The following KHDRBS3 variants were observed in gnomAD, a reference collection of about 807,000 sequenced individuals.
KHDRBS3 encodes the protein KH domain-containing, RNA-binding, signal transduction-associated protein 3.
A neutral mutation model predicts 45.6 loss-of-function variants in KHDRBS3; 23 were observed. The ratio of observed to expected loss-of-function variants is 0.50; its 90% CI spans 0.36 to 0.72. The LOEUF is 0.72. KHDRBS3 is among the 30% of genes least tolerant of loss of function. The probability of loss-of-function intolerance (pLI) is 0.00; values close to 1 mark genes in which losing one functional copy is unlikely to be tolerated. For missense variants in KHDRBS3, 352 were observed against 424.8 expected, an observed-to-expected ratio of 0.83 and a Z score of 1.51; for synonymous variants, 162 against 156.5, an observed-to-expected ratio of 1.04 and a Z score of -0.26.
intron 1 of KHDRBS3, among the ~76,000 whole-genome samples, chr8:135,493,919 A>G (rs1008173595): frequency 2.6e-5 from 4 of 152,196 alleles, no homozygotes; most frequent in East Asian, 3.8e-4. Context: ...CTTTTAAACT[A>G]TGAATTTAGT....
At chr8:135,624,132 C>G (rs986434949) in intron 7 of KHDRBS3, among the ~76,000 whole-genome samples, 4 of 152,098 alleles carry the variant, frequency 2.6e-5, no homozygotes, top group African/African-American at 9.7e-5. Flanking sequence ...CCGAAAATAC[C>G]CCAGCCTTGC....
At chr8:135,578,004 A>G (rs1182020173) in intron 5 of KHDRBS3, among the ~76,000 whole-genome samples, 1 of 152,154 alleles carries the variant, frequency 6.6e-6, no homozygotes, top group African/African-American at 2.4e-5. Flanking sequence ...GAACATCTTT[A>G]TTTGGTTATT....
intron 7 of KHDRBS3, among the ~76,000 whole-genome samples, chr8:135,612,924 C>T (rs1308394845): frequency 1.3e-5 from 2 of 151,694 alleles, no homozygotes; most frequent in African/African-American, 4.9e-5. Context: ...ATTAATTTCA[C>T]CTATTTCTTT....
At chr8:135,574,591 A>G (rs1488191518) in intron 5 of KHDRBS3, among the ~76,000 whole-genome samples, 1 of 152,216 alleles carries the variant, frequency 6.6e-6, no homozygotes, top group African/African-American at 2.4e-5. Flanking sequence ...TTTGTAATTC[A>G]TAAAGTACCT....
At chr8:135,481,828 T>C (rs1822593734) in intron 1 of KHDRBS3, among the ~76,000 whole-genome samples, 1 of 152,198 alleles carries the variant, frequency 6.6e-6, no homozygotes, top group African/African-American at 2.4e-5. Context: ...AGATAATTGG[T>C]GCTGTCACTG....
intron 6 of KHDRBS3, among the ~76,000 whole-genome samples, chr8:135,599,060 G>GA (rs1829093360): frequency 6.6e-6 from 1 of 152,252 alleles, no homozygotes; most frequent in Admixed American, 6.5e-5. Context: ...CTTTATCCTG[G>GA]AAAATCTCTT....
chr8:135,622,684 C>G (rs1269217881), intron 7 of KHDRBS3, among the ~76,000 whole-genome samples: 1 of 152,146 alleles, frequency 6.6e-6, no homozygotes, highest in Admixed American at 6.5e-5. Flanking sequence ...AAAACAAATG[C>G]AAGATTCACA....
intron 2 of KHDRBS3, chr8:135,538,714 T>G (rs1246159522): frequency 1.3e-5 from 2 of 152,300 alleles, no homozygotes; most frequent in East Asian, 3.9e-4. Flanking sequence ...ATGAGGGCAC[T>G]GTATGATGAC....
intron 2 of KHDRBS3, chr8:135,540,622 T>C (rs1432231277): frequency 6.6e-6 from 1 of 152,226 alleles, no homozygotes; most frequent in Admixed American, 6.5e-5. Context: ...TAAATAAAAG[T>C]GTGCGTGCTT....
intron 2 of KHDRBS3, chr8:135,538,950 CAAA>C (rs950046868): frequency 1.3e-5 from 2 of 151,666 alleles, no homozygotes; most frequent in Non-Finnish European, 2.9e-5. Context: ...AAAACAACAA[CAAA>C]AAAAACCTAC....
intron 7 of KHDRBS3, among the ~76,000 whole-genome samples, chr8:135,628,160 A>G (rs1830452674): frequency 6.6e-6 from 1 of 151,756 alleles, no homozygotes; most frequent in Non-Finnish European, 1.5e-5. Context: ...AAACTGGTTC[A>G]GGTATCCCAC....
intron 2 of KHDRBS3, among the ~76,000 whole-genome samples, chr8:135,523,674 C>G (rs1040851377): frequency 6.6e-6 from 1 of 152,104 alleles, no homozygotes; most frequent in Non-Finnish European, 1.5e-5. Context: ...ATTCCTGTTT[C>G]TAATCAAGGA....
intron 7 of KHDRBS3, among the ~76,000 whole-genome samples, chr8:135,613,839 G>A (rs1316322063): frequency 1.3e-5 from 2 of 151,610 alleles, no homozygotes; most frequent in Non-Finnish European, 2.9e-5. Flanking sequence ...ATGATCTGTT[G>A]TGTGGAAGGG....
At chr8:135,559,678 A>G (rs1308101366) in intron 5 of KHDRBS3, among the ~76,000 whole-genome samples, 4 of 152,214 alleles carry the variant, frequency 2.6e-5, no homozygotes, top group Non-Finnish European at 5.9e-5. Context: ...TATATTTTAA[A>G]AACTCTTCTG....
chr8:135,598,830 A>G (rs1209575978), intron 6 of KHDRBS3, among the ~76,000 whole-genome samples: 1 of 152,252 alleles, frequency 6.6e-6, no homozygotes, highest in Non-Finnish European at 1.5e-5. Flanking sequence ...GTTGCGTTTT[A>G]TATGAAAACT....
chr8:135,626,912 AT>A (rs897425721), intron 7 of KHDRBS3, among the ~76,000 whole-genome samples: 1 of 151,622 alleles, frequency 6.6e-6, no homozygotes, highest in African/African-American at 2.4e-5. Context: ...AAAATTAATA[AT>A]TTTTTTTCAA....
At position 135,623,387 on chromosome 8, in the gene KHDRBS3, C is replaced by T. The variant is rs1051306266; in HGVS notation, c.890+16350C>T. 1.2e-4 allele frequency among the ~76,000 whole-genome samples: 19 copies of T among 152,240 alleles called. No individual in the cohort carries two copies. In the East Asian group the frequency reaches 3.7e-3, roughly 29 times the overall value. ...CTGTCATGTAATGTGTGACCTTGAG[C>T]GAGCCGCACAGTAAACCTTATGAAA... is the stretch of plus-strand genomic sequence containing the variant. On this transcript the variant is annotated intron_variant, in intron 7 of 8. Coordinates refer to ENST00000355849, the MANE Select transcript of KHDRBS3 (RefSeq NM_006558.3).
intron 3 of KHDRBS3, among the ~76,000 whole-genome samples, chr8:135,543,841 A>G (rs985928283): frequency 5.3e-5 from 8 of 152,170 alleles, no homozygotes; most frequent in Non-Finnish European, 1.2e-4. Context: ...GCATTGGAAA[A>G]CATGACATGT....
At chr8:135,479,546 G>A (rs774333898) in intron 1 of KHDRBS3, among the ~76,000 whole-genome samples, 37 of 152,168 alleles carry the variant, frequency 2.4e-4, no homozygotes, top group Admixed American at 6.5e-5. Flanking sequence ...TTAAGGTGCT[G>A]AGAAATTCCT....
Sources: allele counts gnomAD v4.1 joint callset (sites outside exome capture counted in the v4.1 genomes callset), GRCh38; gene constraint gnomAD v4.1.1; transcripts MANE v1.5; gene names NCBI Gene and HGNC (gene_info 2026-07-23, HGNC 2026-07-21).